Variants in PATJ observed in about 807,000 individuals in gnomAD.
The protein encoded by PATJ is PATJ crumbs cell polarity complex component, also known as inaD-like protein.
A neutral mutation model predicts 224.9 loss-of-function variants in PATJ; 190 were observed. The ratio of observed to expected loss-of-function variants is 0.84; its 90% CI spans 0.75 to 0.95. The LOEUF (loss-of-function observed/expected upper bound fraction) is 0.95, where lower values mean the gene tolerates loss of function less well. PATJ is among the 40% of genes least tolerant of loss of function. The pLI is 0.00. For synonymous variants in PATJ, 769 were observed against 820.3 expected (o/e 0.94, Z 1.07); for missense variants, 2,121 against 2,270.3 (o/e 0.93, Z 1.34).
chr1:61,995,444 G>A (rs1645295564), intron 28 of PATJ, among the ~76,000 whole-genome samples: 1 of 152,120 alleles, frequency 6.6e-6, no homozygotes, highest in African/African-American at 2.4e-5. Flanking sequence ...ATAGAAAATA[G>A]CAAAAAGAGA....
rs552078581 is a variant in PATJ, at chr1:61,931,501, C to T, written c.3670+3672C>T. On this transcript the variant is annotated intron_variant, in intron 27 of 43. Transcript: ENST00000642238. ...CAAATAGGCTGGGTGCAGTGGCTCA[C>T]GCCTGTGATCCCAGCACTTTGGGAG... 3.8e-3 allele frequency among the ~76,000 whole-genome samples: 584 copies of T among 152,286 alleles called. 2 individuals are homozygous for T. Among genetic ancestry groups the T allele is most frequent in the African/African-American group, 0.013 (552 of 41,542 alleles).
chr1:61,981,711 G>A (rs956753375), intron 27 of PATJ, among the ~76,000 whole-genome samples: 6 of 149,596 alleles, frequency 4.0e-5, no homozygotes, highest in Non-Finnish European at 7.4e-5. Context: ...TCACTCTGTC[G>A]CCCAGGTTGG....
At chr1:61,991,788 C>T in intron 28 of PATJ, 1 of 964,406 alleles carries the variant, frequency 1.0e-6, no homozygotes, top group South Asian at 4.8e-5. Context: ...TATTCATTGC[C>T]TCAGTTTGTT....
At position 61,899,753 on chromosome 1, in the gene PATJ, T is replaced by C. The variant is rs550963309; in HGVS notation, c.3203+99T>C. 44 of 744,648 alleles carry C rather than the reference T, an allele frequency of 5.9e-5. No individual in the cohort carries two copies. The Admixed American group carries it at 1.1e-3, about 19-fold the overall frequency. 46.1% of individuals were successfully genotyped at this position (744,648 alleles called of 1,614,324 possible). Reference sequence around the variant, plus strand: ...CATTATTTAGTCCTACTCTAATGATTGAGAATTGCGATAATTCACCTGTAA... The same window carrying C: ...CATTATTTAGTCCTACTCTAATGATCGAGAATTGCGATAATTCACCTGTAA... On this transcript the variant is annotated intron_variant, in intron 23 of 43. Transcript: ENST00000642238.
intron 1 of PATJ, among the ~76,000 whole-genome samples, chr1:61,757,976 C>A (rs925910153): frequency 6.6e-6 from 1 of 152,184 alleles, no homozygotes; most frequent in Admixed American, 6.5e-5. Context: ...GAAACCTACA[C>A]ACACACATTT....
At chr1:61,981,581 A>G (rs76957339) in intron 27 of PATJ, among the ~76,000 whole-genome samples, 3,514 of 152,050 alleles carry the variant, frequency 0.023, 119 homozygotes, top group African/African-American at 0.058. Context: ...GTTTTTATGG[A>G]CAGTCCTGCA....
chr1:62,129,008 A>C, intron 41 of PATJ, 63 bp downstream of exon 41: 1 of 1,065,008 alleles, frequency 9.4e-7, no homozygotes, highest in Non-Finnish European at 1.4e-6. Context: ...AAAAAGATTG[A>C]GCGTCACTGG....
Position 62,085,823 on chromosome 1 carries a change from T to TAAA in PATJ, c.4377+1192_4377+1194dup, listed in dbSNP as rs781768840. Among the ~76,000 whole-genome samples the TAAA allele has an allele frequency of 7.6e-5, 9 of 118,636 alleles. No individual in the cohort carries two copies. In the East Asian group the frequency reaches 9.4e-4, roughly 12 times the overall value. 77.8% of individuals were successfully genotyped at this position (118,636 alleles called of 152,430 possible). ...AACAGAGCAAGGCCCTGTCTCTGTT[T>TAAA]AAAAAAAAAAAAAAAAAAAGGTATG... On this transcript the variant is annotated intron_variant, in intron 33 of 43. Coordinates refer to ENST00000642238, the MANE Select transcript of PATJ (RefSeq NM_001350145.3).
chr1:62,008,382 A>T (rs749913451), intron 28 of PATJ, among the ~76,000 whole-genome samples: 21 of 152,212 alleles, frequency 1.4e-4, no homozygotes, highest in Non-Finnish European at 2.8e-4. Flanking sequence ...TGATATAGAA[A>T]TTGAGATAGA....
In PATJ at chr1:61,865,776, G is replaced by A. The variant is rs570620124; in HGVS notation, c.2835+1143G>A. 5.7e-4 allele frequency among the ~76,000 whole-genome samples: 87 copies of A among 152,220 alleles called. 2 individuals are homozygous for A. The highest frequency in any genetic ancestry group is 2.7e-3 in the South Asian group (13 of 4,818). On this transcript the variant is annotated intron_variant, in intron 20 of 43. Coordinates refer to ENST00000642238, the MANE Select transcript of PATJ (RefSeq NM_001350145.3). ...GCTTAGTAATATGTTCATATGCAGC[G>A]TGTTGCTTCCCTCTCTGAGGTTGGC...
At position 62,163,576 on chromosome 1, in the gene PATJ, T is replaced by C. The variant is rs1419138990; in HGVS notation, c.*2522T>C. On this transcript the variant is annotated 3_prime_UTR_variant, in exon 44 of 44. Transcript: ENST00000642238. ...TAGTAAAAGTATATTGATGAAGGAA[T>C]TATGATGCTTTATACTTCTTACTGC... is the stretch of plus-strand genomic sequence containing the variant. The C allele has an allele frequency of 6.6e-6, 1 of 152,644 alleles. No homozygotes were observed. The highest frequency in any genetic ancestry group is 6.5e-5 in the Admixed American group (1 of 15,274). 9.5% of individuals were successfully genotyped at this position (152,644 alleles called of 1,614,324 possible).
At position 61,839,282 on chromosome 1, in the gene PATJ, A is replaced by T. The variant is rs575844577; in HGVS notation, c.2112+5497A>T. Reference sequence around the variant, plus strand: ...GTTTTTTCAGCTTGTGAAAAATTTCATATCTTAAAAACTAAGCTACTAGAT... The same window carrying T: ...GTTTTTTCAGCTTGTGAAAAATTTCTTATCTTAAAAACTAAGCTACTAGAT... On this transcript the variant is annotated intron_variant, in intron 17 of 43. Coordinates refer to ENST00000642238, the MANE Select transcript of PATJ (RefSeq NM_001350145.3). Among the ~76,000 whole-genome samples the T allele has an allele frequency of 3.3e-5, 5 of 152,218 alleles. No homozygotes were observed. In the South Asian group the frequency reaches 1.0e-3, roughly 32 times the overall value.
intron 33 of PATJ, among the ~76,000 whole-genome samples, chr1:62,106,120 A>ACC (rs71050198): frequency 9.9e-6 from 1 of 100,784 alleles, no homozygotes; most frequent in South Asian, 4.1e-4. Flanking sequence ...ACACACACAC[A>ACC]AACACACATA....
chr1:61,859,187 C>T (rs953580257), intron 18 of PATJ, among the ~76,000 whole-genome samples: 2 of 152,096 alleles, frequency 1.3e-5, no homozygotes, highest in African/African-American at 4.8e-5. Context: ...TAGGAAGTCT[C>T]GGGCCATTTA....
rs181742222 is a variant in PATJ at position 61,988,174 on chromosome 1, G to C, written c.3671-1994G>C. Among the ~76,000 whole-genome samples, 53 of 152,222 alleles carry C rather than the reference G, an allele frequency of 3.5e-4. 1 individual carries two copies. The East Asian group carries it at 9.5e-3, about 27-fold the overall frequency. On this transcript the variant is annotated intron_variant, in intron 27 of 43. Transcript: ENST00000642238. Reference sequence around the variant, plus strand: ...AGATCGCACCACTGCACTCCAGCCTGGGTGATAGAGCAAGACTTCATCTCA... The same window carrying C: ...AGATCGCACCACTGCACTCCAGCCTCGGTGATAGAGCAAGACTTCATCTCA...
intron 30 of PATJ, among the ~76,000 whole-genome samples, chr1:62,043,913 A>G (rs1236305294): frequency 6.6e-6 from 1 of 152,116 alleles, no homozygotes; most frequent in Non-Finnish European, 1.5e-5. Flanking sequence ...TTTTTTGCAG[A>G]GACAGAATCT....
chr1:61,891,692 C>T (rs1019831704), intron 22 of PATJ, among the ~76,000 whole-genome samples: 1 of 152,130 alleles, frequency 6.6e-6, no homozygotes, highest in Non-Finnish European at 1.5e-5. Flanking sequence ...CCAGAAGAGA[C>T]GTAATGTTCT....
At chr1:61,955,490 G>T (rs1680318208) in intron 27 of PATJ, among the ~76,000 whole-genome samples, 1 of 152,150 alleles carries the variant, frequency 6.6e-6, no homozygotes, top group African/African-American at 2.4e-5. Context: ...TGGCTTGTAG[G>T]AGGGAAACGA....
intron 7 of PATJ, among the ~76,000 whole-genome samples, chr1:61,779,924 C>A (rs919487055): frequency 6.6e-6 from 1 of 151,632 alleles, no homozygotes; most frequent in African/African-American, 2.4e-5. Context: ...GGGCAACTCT[C>A]TTTTTAACAA....
Sources: gnomAD v4.1 joint callset for allele counts (sites outside exome capture counted in the v4.1 genomes callset) on GRCh38, gnomAD v4.1.1 for gene constraint, MANE v1.5 for transcripts, NCBI Gene and HGNC (gene_info 2026-07-23, HGNC 2026-07-21) for gene names.